Variants in KHDRBS2 observed in about 807,000 individuals in gnomAD.
KHDRBS2 encodes the protein KH RNA binding domain containing, signal transduction associated 2, also known as KH domain-containing, RNA-binding, signal transduction-associated protein 2.
KHDRBS2 carries 26 observed loss-of-function variants against 44.3 expected under a neutral mutation model. The observed-to-expected ratio is 0.59, with a 90% CI of 0.43 to 0.81. The LOEUF (loss-of-function observed/expected upper bound fraction) is 0.81. Among genes scored for constraint, KHDRBS2 ranks in the 40% least tolerant of loss-of-function variants. The pLI is 0.00. For missense variants in KHDRBS2, 476 were observed against 433.1 expected (o/e 1.10, Z -0.88); for synonymous variants, 194 against 151.1 (o/e 1.28, Z -2.08).
intron 3 of KHDRBS2, among the ~76,000 whole-genome samples, chr6:61,992,531 T>C (rs9445770): frequency 0.021 from 3,181 of 152,282 alleles, 113 homozygotes; most frequent in African/African-American, 0.073. Context: ...ATATCAATTG[T>C]ATCCTGCCTC....
At chr6:61,914,811 C>T (rs1457726740) in intron 4 of KHDRBS2, among the ~76,000 whole-genome samples, 1 of 151,950 alleles carries the variant, frequency 6.6e-6, no homozygotes, top group Non-Finnish European at 1.5e-5. Context: ...ATTAAAAAGA[C>T]AAAATACATA....
chr6:62,027,183 T>C (rs1390060732), intron 3 of KHDRBS2, among the ~76,000 whole-genome samples: 1 of 152,048 alleles, frequency 6.6e-6, no homozygotes, highest in Non-Finnish European at 1.5e-5. Context: ...TAAAGCTGGA[T>C]TGTAGTGGTC....
chr6:61,909,909 C>A (rs1178870228), intron 4 of KHDRBS2, among the ~76,000 whole-genome samples: 4 of 152,142 alleles, frequency 2.6e-5, no homozygotes, highest in Non-Finnish European at 4.4e-5. Context: ...TGGTGCTGCA[C>A]ATTTAAAACT....
At chr6:62,052,617 G>A (rs1343009054) in intron 2 of KHDRBS2, among the ~76,000 whole-genome samples, 9 of 143,608 alleles carry the variant, frequency 6.3e-5, no homozygotes, top group South Asian at 2.3e-4. Context: ...GGGGGTGGAG[G>A]AGGGTGGGGG....
At chr6:61,608,096 G>A in the KHDRBS2 span, among the ~76,000 whole-genome samples, 3 of 152,204 alleles carry the variant, frequency 2.0e-5, no homozygotes, top group South Asian at 2.1e-4. Flanking sequence ...TTGACAAACT[G>A]ATTTAAAGTC....
At chr6:62,116,324 T>C (rs1438792240) in intron 2 of KHDRBS2, among the ~76,000 whole-genome samples, 1 of 152,148 alleles carries the variant, frequency 6.6e-6, no homozygotes, top group African/African-American at 2.4e-5. Flanking sequence ...TGCAACTTGG[T>C]CCTCTTTGAC....
At chr6:61,771,993 G>A (rs1382432628) in intron 6 of KHDRBS2, among the ~76,000 whole-genome samples, 1 of 152,130 alleles carries the variant, frequency 6.6e-6, no homozygotes, top group African/African-American at 2.4e-5. Context: ...CTGTATCTCA[G>A]ACCACAGTGC....
chr6:61,551,261 T>G, the KHDRBS2 span, among the ~76,000 whole-genome samples: 1 of 152,194 alleles, frequency 6.6e-6, no homozygotes, highest in Non-Finnish European at 1.5e-5. Flanking sequence ...AAGTTTTGGT[T>G]ATTAGACCTT....
rs562703888 is a variant in KHDRBS2, at chr6:61,764,076, T to C, written c.811-31312A>G. Among the ~76,000 whole-genome samples the C allele has an allele frequency of 4.6e-5, 7 of 152,130 alleles. No individual in the cohort carries two copies. The South Asian group carries it at 1.5e-3, about 32-fold the overall frequency. ...GTTCCCACTTACAAGTGAGAACATGTGGTGTTTGGTGGTTTTCTGTTCCTG... is the reference window on the plus strand; with the variant it reads ...GTTCCCACTTACAAGTGAGAACATGCGGTGTTTGGTGGTTTTCTGTTCCTG... On this transcript the variant is annotated intron_variant, in intron 6 of 8. Transcript: ENST00000281156.
At chr6:61,857,876 T>A (rs752193881) in intron 6 of KHDRBS2, among the ~76,000 whole-genome samples, 1 of 152,028 alleles carries the variant, frequency 6.6e-6, no homozygotes, top group Non-Finnish European at 1.5e-5. Context: ...TTAAGTGATA[T>A]GTATGACTTT....
At chr6:61,662,964 G>A in the KHDRBS2 span, among the ~76,000 whole-genome samples, 7 of 151,398 alleles carry the variant, frequency 4.6e-5, no homozygotes, top group African/African-American at 7.3e-5. Flanking sequence ...TGTTTATAGC[G>A]GCACTATTCA....
intron 4 of KHDRBS2, among the ~76,000 whole-genome samples, chr6:61,916,422 T>C (rs564555105): frequency 1.5e-3 from 223 of 150,734 alleles, no homozygotes; most frequent in African/African-American, 5.1e-3. Flanking sequence ...GGTATATTTA[T>C]ACATATATAT....
chr6:62,163,478 A>G (rs1818054449), intron 2 of KHDRBS2, among the ~76,000 whole-genome samples: 1 of 152,038 alleles, frequency 6.6e-6, no homozygotes, highest in South Asian at 2.1e-4. Flanking sequence ...TGTAGAAATG[A>G]TTCCTAAATT....
chr6:61,848,406 C>T (rs1293387807), intron 6 of KHDRBS2, among the ~76,000 whole-genome samples: 2 of 141,970 alleles, frequency 1.4e-5, no homozygotes, highest in Admixed American at 1.5e-4. Flanking sequence ...TATAACACTC[C>T]CCCATCTAGA....
At chr6:62,155,861 A>C (rs541521913) in intron 2 of KHDRBS2, among the ~76,000 whole-genome samples, 4 of 152,322 alleles carry the variant, frequency 2.6e-5, no homozygotes, top group African/African-American at 9.6e-5. Flanking sequence ...GTTTCTGCAT[A>C]ATCTTTCCAT....
At chr6:61,745,759 AGTT>A (rs758394650) in intron 6 of KHDRBS2, among the ~76,000 whole-genome samples, 3 of 152,102 alleles carry the variant, frequency 2.0e-5, no homozygotes, top group Non-Finnish European at 2.9e-5. Flanking sequence ...ACAAGAGGAG[AGTT>A]GTTGTTTCTA....
intron 4 of KHDRBS2, among the ~76,000 whole-genome samples, chr6:61,953,608 C>A (rs945132256): frequency 6.6e-5 from 10 of 152,026 alleles, no homozygotes; most frequent in African/African-American, 2.4e-4. Context: ...GTATAGCTCT[C>A]TGAAACAAAG....
At chr6:62,182,943 AC>A (rs1384895495) in intron 1 of KHDRBS2, among the ~76,000 whole-genome samples, 1 of 151,814 alleles carries the variant, frequency 6.6e-6, no homozygotes, top group Non-Finnish European at 1.5e-5. Flanking sequence ...GTGAATCTTT[AC>A]CTTGTCAAGT....
intron 1 of KHDRBS2, among the ~76,000 whole-genome samples, chr6:62,232,477 T>C (rs1351016712): frequency 6.6e-6 from 1 of 151,858 alleles, no homozygotes; most frequent in Non-Finnish European, 1.5e-5. Context: ...GGAAGTAAGT[T>C]CAAAACAGGA....
Sources: allele counts gnomAD v4.1 joint callset (sites outside exome capture counted in the v4.1 genomes callset), GRCh38; gene constraint gnomAD v4.1.1; transcripts MANE v1.5; gene names NCBI Gene and HGNC (gene_info 2026-07-23, HGNC 2026-07-21).